The following SCN10A variants were observed in gnomAD, a reference collection of about 807,000 sequenced individuals.
SCN10A encodes the protein sodium voltage-gated channel alpha subunit 10.
SCN10A carries 162 observed loss-of-function variants against 170.7 expected under a neutral mutation model. The observed-to-expected ratio is 0.95, with a 90% confidence interval of 0.84 to 1.08. SCN10A has a LOEUF of 1.08. Among genes scored for constraint, SCN10A ranks in the 50% least tolerant of loss-of-function variants. The probability of loss-of-function intolerance (pLI) is 0.00; values close to 1 mark genes in which losing one functional copy is unlikely to be tolerated. For missense variants in SCN10A, 2,527 were observed against 2,436.9 expected (o/e 1.04, Z -0.78); for synonymous variants, 985 against 904.6 (o/e 1.09, Z -1.59).
Position 38,726,790 on chromosome 3 carries a change from C to T in SCN10A, c.2903G>A (p.Arg968Lys), listed in dbSNP as rs2063460424. 6.2e-7 allele frequency: 1 copy of T among 1,611,314 alleles called. No homozygotes were observed. The highest frequency in any genetic ancestry group is 1.3e-5 in the African/African-American group (1 of 74,882). The change falls in exon 17 of 28, where the codon AGG (arginine) becomes AAG (lysine). Residue 968 changes from arginine (R) to lysine (K), a missense_variant. By Grantham distance (26) the Arg-to-Lys change is conservative. Transcript: ENST00000449082. ...AENHIAANTA[R>K]GSSGGLQAPR... ...AGCTTGGAGCCCTCCAGAGCTCCCCCTGGCAGTGTTGGCAGCAATGTGGTT... is the reference window on the plus strand; with the variant it reads ...AGCTTGGAGCCCTCCAGAGCTCCCCTTGGCAGTGTTGGCAGCAATGTGGTT...
chr3:38,800,706 T>C (rs893020077), intron 1 of SCN10A, among the ~76,000 whole-genome samples: 2 of 152,122 alleles, frequency 1.3e-5, no homozygotes, highest in Non-Finnish European at 2.9e-5. Context: ...TCAGGGCAAC[T>C]CCTGGCCAGG....
intron 1 of SCN10A, among the ~76,000 whole-genome samples, chr3:38,799,809 A>G (rs1169797318): frequency 1.3e-5 from 2 of 152,066 alleles, no homozygotes; most frequent in Non-Finnish European, 2.9e-5. Flanking sequence ...GTGTTACTTT[A>G]CTTCAAGTGT....
intron 13 of SCN10A, among the ~76,000 whole-genome samples, chr3:38,748,091 G>C (rs1217861598): frequency 6.6e-6 from 1 of 152,056 alleles, no homozygotes; most frequent in Non-Finnish European, 1.5e-5. Flanking sequence ...AAGCTTAACA[G>C]TTTTCGAGAA....
rs199504550 is a variant in SCN10A at position 38,802,167 on chromosome 3, G to A, written c.-32-8125C>T. On this transcript the variant is annotated intron_variant, in intron 1 of 27. Transcript: ENST00000449082. Reference sequence around the variant, plus strand: ...ACACTCTGGAGATATAGCAGTACACGAACTATAGGTCCATAACCTTTGGGA... The same window carrying A: ...ACACTCTGGAGATATAGCAGTACACAAACTATAGGTCCATAACCTTTGGGA... 1.7e-4 allele frequency among the ~76,000 whole-genome samples: 26 copies of A among 152,166 alleles called. No homozygotes were observed. In the East Asian group the frequency reaches 1.7e-3, roughly 10 times the overall value.
rs1286866777 is a variant in SCN10A, at chr3:38,726,648, T to C, written c.3045A>G (p.Glu1015=). 6.2e-7 allele frequency: 1 copy of C among 1,602,532 alleles called. No individual in the cohort carries two copies. The highest frequency in any genetic ancestry group is 1.1e-5 in the South Asian group (1 of 90,476). The change falls in exon 17 of 28, where the codon GAA becomes GAG. Residue 1015 remains glutamate, a synonymous_variant. Transcript: ENST00000449082. The stretch of plus-strand genomic sequence containing the variant: ...CTTCCTGCTGGAAGCTCTGAGCATC[T>C]TCCCCACCATCATCCTCCAAGTCAT... ...DLDDLEDDGG[E]DAQSFQQEVI...
chr3:38,766,050 T>C (rs2063929084), intron 5 of SCN10A, among the ~76,000 whole-genome samples: 1 of 152,086 alleles, frequency 6.6e-6, no homozygotes, highest in Non-Finnish European at 1.5e-5. Flanking sequence ...TCTGGTGGTG[T>C]ACAGTAGTGC....
At chr3:38,725,364 C>G (rs1339671988) in intron 17 of SCN10A, 50 bp from the exon 18 acceptor site, 1 of 1,505,198 alleles carries the variant, frequency 6.6e-7, no homozygotes, top group Non-Finnish European at 9.0e-7. Flanking sequence ...CTTAGATGAC[C>G]AGTTCTAAAT....
intron 4 of SCN10A, among the ~76,000 whole-genome samples, chr3:38,785,908 C>T (rs991923851): frequency 6.6e-6 from 1 of 152,118 alleles, no homozygotes; most frequent in East Asian, 1.9e-4. Context: ...TAGAGAAATG[C>T]CAGTCAAAAC....
At chr3:38,714,421 A>G (rs1455302408) in intron 21 of SCN10A, among the ~76,000 whole-genome samples, 2 of 152,122 alleles carry the variant, frequency 1.3e-5, no homozygotes, top group African/African-American at 4.8e-5. Flanking sequence ...CAACCTTGAA[A>G]CTGATTTTCA....
chr3:38,739,211 G>C (rs1477276829), intron 15 of SCN10A, among the ~76,000 whole-genome samples: 3 of 152,178 alleles, frequency 2.0e-5, no homozygotes, highest in Non-Finnish European at 4.4e-5. Flanking sequence ...TGCTCAGTAA[G>C]TATTAGCTGC....
At chr3:38,776,054 T>C (rs1347536804) in intron 4 of SCN10A, among the ~76,000 whole-genome samples, 1 of 152,108 alleles carries the variant, frequency 6.6e-6, no homozygotes, top group Non-Finnish European at 1.5e-5. Context: ...TATTGGAAAA[T>C]AATATGGAAG....
chr3:38,759,196 G>T, intron 8 of SCN10A, among the ~76,000 whole-genome samples: 1 of 152,110 alleles, frequency 6.6e-6, no homozygotes, highest in Non-Finnish European at 1.5e-5. Context: ...AGGCACTGGG[G>T]GTGTTGTGAG....
At chr3:38,794,086 AC>A in intron 1 of SCN10A, 44 bp from the exon 2 acceptor site, 1 of 1,349,380 alleles carries the variant, frequency 7.4e-7, no homozygotes, top group South Asian at 1.3e-5. Context: ...CAGCTTGCCC[AC>A]TGGCCCTGTC....
In SCN10A at chr3:38,697,253, T is replaced by C; in HGVS notation, c.*96A>G. The C allele has an allele frequency of 1.3e-6, 2 of 1,534,394 alleles. No individual in the cohort carries two copies. The highest frequency in any genetic ancestry group is 1.8e-6 in the Non-Finnish European group (2 of 1,142,654). On this transcript the variant is annotated 3_prime_UTR_variant, in exon 28 of 28. Transcript: ENST00000449082. ...CATTGTGACCAGTGGCATGCATTGG[T>C]GAGGCTGTAGCTGGGTGTGATCTGC...
chr3:38,783,273 A>G (rs1223204449), intron 4 of SCN10A, among the ~76,000 whole-genome samples: 1 of 152,098 alleles, frequency 6.6e-6, no homozygotes, highest in Admixed American at 6.6e-5. Flanking sequence ...GAACGTGACC[A>G]GCACTTCACC....
At chr3:38,715,142 G>A (rs1278416894) in intron 21 of SCN10A, among the ~76,000 whole-genome samples, 1 of 152,222 alleles carries the variant, frequency 6.6e-6, no homozygotes, top group Non-Finnish European at 1.5e-5. Context: ...AGACCCAGCT[G>A]CCTGGGTGCA....
chr3:38,702,119 C>A lies in SCN10A; in HGVS notation c.4387-10G>T. 6.5e-7 allele frequency: 1 copy of A among 1,533,834 alleles called. No individual in the cohort carries two copies. The highest frequency in any genetic ancestry group is 8.8e-7 in the Non-Finnish European group (1 of 1,142,726). ...AACCCTGGAACTTGTTCTGAGAAAA[C>A]AAGAGATAGTGGCATCAGGGCCTTT... On this transcript the variant is annotated splice_polypyrimidine_tract_variant and intron_variant, in intron 26 of 27. Coordinates refer to ENST00000449082, the MANE Select transcript of SCN10A (RefSeq NM_006514.4).
intron 13 of SCN10A, 121 bp downstream of exon 13, chr3:38,749,952 T>C: frequency 1.8e-6 from 1 of 548,742 alleles, no homozygotes. Flanking sequence ...GAATGAGGAG[T>C]ATTAGGAATT....
chr3:38,737,127 T>C (rs7428232), intron 15 of SCN10A, among the ~76,000 whole-genome samples: 94,832 of 145,098 alleles, frequency 0.65, 31,890 homozygotes, highest in African/African-American at 0.84. Context: ...CCCGCCACCG[T>C]GCCCGGCTAA....
Sources: gnomAD v4.1 joint callset for allele counts (sites outside exome capture counted in the v4.1 genomes callset) on GRCh38, gnomAD v4.1.1 for gene constraint, MANE v1.5 for transcripts, NCBI Gene and HGNC (gene_info 2026-07-23, HGNC 2026-07-21) for gene names.